The following NCALD variants were observed in gnomAD, a reference collection of about 807,000 sequenced individuals.
NCALD encodes the protein neurocalcin-delta.
NCALD carries 10 observed loss-of-function variants against 18.6 expected under a neutral mutation model. That is an observed-to-expected ratio of 0.54 (90% CI 0.33 to 0.91). The LOEUF (loss-of-function observed/expected upper bound fraction) is 0.91, where lower values mean the gene tolerates loss of function less well. NCALD is among the 40% of genes least tolerant of loss of function. NCALD has a pLI of 0.03. For synonymous variants in NCALD, 88 were observed against 87.4 expected (o/e 1.01, Z -0.04); for missense variants, 184 against 247.6 (o/e 0.74, Z 1.72).
chr8:101,704,897 C>T (rs1217723310), intron 2 of NCALD, among the ~76,000 whole-genome samples: 1 of 146,802 alleles, frequency 6.8e-6, no homozygotes, highest in Non-Finnish European at 1.5e-5. Context: ...CCAGCCTAGG[C>T]GACAAGAGCG....
chr8:101,934,003 A>G (rs549815628), intron 2 of NCALD, among the ~76,000 whole-genome samples: 1 of 152,316 alleles, frequency 6.6e-6, no homozygotes, highest in East Asian at 1.9e-4. Context: ...GATACTACAG[A>G]AAGTGTGATC....
intron 1 of NCALD, among the ~76,000 whole-genome samples, chr8:102,095,800 ATGTATGTGTATAAACAT>A: frequency 6.6e-6 from 1 of 152,234 alleles, no homozygotes; most frequent in Non-Finnish European, 1.5e-5. Flanking sequence ...TAGTTTCTAA[ATGTATGTGTATAAACAT>A]TTCAAAGACA....
At chr8:101,806,754 T>A (rs997599840) in intron 4 of NCALD, among the ~76,000 whole-genome samples, 6 of 152,042 alleles carry the variant, frequency 3.9e-5, no homozygotes, top group African/African-American at 1.4e-4. Context: ...CACATGCACC[T>A]ATGCACACAA....
chr8:102,083,624 C>T (rs985279375), intron 1 of NCALD, among the ~76,000 whole-genome samples: 2 of 152,182 alleles, frequency 1.3e-5, no homozygotes, highest in African/African-American at 4.8e-5. Flanking sequence ...CATCCCTATC[C>T]CCTCCCAGTC....
chr8:101,827,871 C>T (rs77461731), intron 4 of NCALD, among the ~76,000 whole-genome samples: 2,342 of 152,264 alleles, frequency 0.015, 90 homozygotes, highest in East Asian at 0.12. Flanking sequence ...GTAGATAGGT[C>T]AGCCACAAGG....
intron 2 of NCALD, among the ~76,000 whole-genome samples, chr8:101,946,742 C>T (rs988796120): frequency 7.2e-5 from 9 of 124,252 alleles, no homozygotes; most frequent in African/African-American, 2.8e-4. Flanking sequence ...ATGAATAATA[C>T]ATTTTAAGAA....
In NCALD at chr8:101,828,322, C is replaced by T. The variant is rs968210415; in HGVS notation, c.-20+58819G>A. The stretch of plus-strand genomic sequence containing the variant: ...CTGCCCAGCTTGCCAGCCCCGCTCC[C>T]GATTACTACCCCGATTCAATGCTTC... On this transcript the variant is annotated intron_variant, in intron 4 of 6. Coordinates refer to the NCALD transcript ENST00000311028. Among the ~76,000 whole-genome samples the T allele has an allele frequency of 2.0e-4, 30 of 152,128 alleles. 1 individual carries two copies. The highest frequency in any genetic ancestry group is 1.6e-3 in the Admixed American group (25 of 15,276).
At chr8:101,858,623 T>A (rs984038150) in intron 4 of NCALD, among the ~76,000 whole-genome samples, 1 of 152,086 alleles carries the variant, frequency 6.6e-6, no homozygotes, top group Non-Finnish European at 1.5e-5. Flanking sequence ...GCATCTAGAA[T>A]GTCAGCAGCC....
intron 2 of NCALD, among the ~76,000 whole-genome samples, chr8:101,978,748 A>G (rs1820514959): frequency 6.6e-6 from 1 of 152,144 alleles, no homozygotes; most frequent in South Asian, 2.1e-4. Flanking sequence ...GATCCTCATC[A>G]CTTAGCACAA....
chr8:101,821,451 C>CTTACAAGGA (rs1813714289), intron 4 of NCALD, among the ~76,000 whole-genome samples: 1 of 152,154 alleles, frequency 6.6e-6, no homozygotes, highest in Non-Finnish European at 1.5e-5. Flanking sequence ...CTCAAGGTCA[C>CTTACAAGGA]ACAGCTAGTA....
chr8:101,889,701 C>T (rs897743647), intron 3 of NCALD, among the ~76,000 whole-genome samples: 5 of 152,252 alleles, frequency 3.3e-5, no homozygotes, highest in African/African-American at 9.6e-5. Context: ...AAATTTATTT[C>T]GAGGCTACCT....
At chr8:102,026,538 G>T (rs538270863) in intron 1 of NCALD, among the ~76,000 whole-genome samples, 30 of 152,202 alleles carry the variant, frequency 2.0e-4, no homozygotes, top group Non-Finnish European at 4.0e-4. Flanking sequence ...TGATGCAAGA[G>T]GTGGGCTCCC....
At chr8:101,981,857 G>A (rs1433023913) in intron 2 of NCALD, among the ~76,000 whole-genome samples, 1 of 152,066 alleles carries the variant, frequency 6.6e-6, no homozygotes, top group Non-Finnish European at 1.5e-5. Context: ...TGATATGAAC[G>A]TTTTGTCCCC....
At chr8:101,807,909 A>G (rs1160577830) in intron 4 of NCALD, among the ~76,000 whole-genome samples, 1 of 152,194 alleles carries the variant, frequency 6.6e-6, no homozygotes, top group African/African-American at 2.4e-5. Flanking sequence ...ATAAAACTAA[A>G]GAAAGTAGAA....
intron 4 of NCALD, among the ~76,000 whole-genome samples, chr8:101,827,695 T>C (rs1308509665): frequency 6.6e-6 from 1 of 152,226 alleles, no homozygotes; most frequent in Non-Finnish European, 1.5e-5. Flanking sequence ...TTTTCTGTCT[T>C]AGACCAAAAC....
At chr8:101,690,608 C>T (rs1306885209) in intron 3 of NCALD, 2 of 985,344 alleles carry the variant, frequency 2.0e-6, no homozygotes, top group Non-Finnish European at 1.2e-6. Context: ...CATATCTTCT[C>T]CTCAGCCACA....
intron 4 of NCALD, among the ~76,000 whole-genome samples, chr8:101,834,537 G>T (rs1814330851): frequency 6.6e-6 from 1 of 152,214 alleles, no homozygotes; most frequent in Non-Finnish European, 1.5e-5. Context: ...GCCCTATTTT[G>T]GGGACTGAGC....
upstream of NCALD, among the ~76,000 whole-genome samples, chr8:101,793,942 C>G (rs1234675700): frequency 6.6e-6 from 1 of 152,114 alleles, no homozygotes; most frequent in Admixed American, 6.6e-5. Flanking sequence ...AGTCTTTTGT[C>G]GATGTTTGTA....
intron 3 of NCALD, among the ~76,000 whole-genome samples, chr8:101,906,548 G>A (rs1817618152): frequency 6.6e-6 from 1 of 152,202 alleles, no homozygotes; most frequent in African/African-American, 2.4e-5. Context: ...CAGCCAGCCA[G>A]GATGCCAGCC....
Sources: gnomAD v4.1 joint callset for allele counts (sites outside exome capture counted in the v4.1 genomes callset) on GRCh38, gnomAD v4.1.1 for gene constraint, MANE v1.5 for transcripts, NCBI Gene and HGNC (gene_info 2026-07-23, HGNC 2026-07-21) for gene names.